TYW1: variants seen among roughly 807,000 people sequenced by gnomAD.
TYW1 encodes the protein tRNA-yW synthesizing protein 1 homolog, also known as S-adenosyl-L-methionine-dependent tRNA 4-demethylwyosine synthase TYW1.
A neutral mutation model predicts 96.2 loss-of-function variants in TYW1; 46 were observed. The ratio of observed to expected loss-of-function variants is 0.48; its 90% CI spans 0.38 to 0.61. The LOEUF is 0.61. Among genes scored for constraint, TYW1 ranks in the 20% least tolerant of loss-of-function variants. The probability of loss-of-function intolerance (pLI) is 0.00; values close to 1 mark genes in which losing one functional copy is unlikely to be tolerated. For synonymous variants in TYW1, 274 were observed against 323.0 expected (o/e 0.85, Z 1.63); for missense variants, 684 against 909.6 (o/e 0.75, Z 3.19).
intron 6 of TYW1, 60 bp from the exon 7 acceptor site, chr7:67,024,840 G>T: frequency 6.3e-7 from 1 of 1,599,134 alleles, no homozygotes; most frequent in South Asian, 1.1e-5. Context: ...GGGAGGGAGG[G>T]TAAGAGAGCT....
At chr7:67,046,410 A>G (rs1162474974) in intron 7 of TYW1, among the ~76,000 whole-genome samples, 2 of 152,090 alleles carry the variant, frequency 1.3e-5, no homozygotes, top group Non-Finnish European at 1.5e-5. Context: ...CTAGTTTACT[A>G]CACATAATTG....
intron 7 of TYW1, 116 bp downstream of exon 7, chr7:67,025,138 C>G: frequency 6.7e-7 from 1 of 1,494,210 alleles, no homozygotes; most frequent in Non-Finnish European, 9.0e-7. Context: ...TCTCTAGCTT[C>G]TGTCTTGAGA....
intron 15 of TYW1, among the ~76,000 whole-genome samples, chr7:67,207,397 T>C (rs1800840460): frequency 6.6e-6 from 1 of 152,202 alleles, no homozygotes. Context: ...TTCACTCCAT[T>C]TATTCAGTAA....
chr7:67,191,568 G>C lies in TYW1; in HGVS notation c.1810-3602G>C, dbSNP rs865978583. 5.6e-5 allele frequency among the ~76,000 whole-genome samples: 8 copies of C among 143,398 alleles called. 1 individual carries two copies. The highest frequency in any genetic ancestry group is 2.2e-4 in the African/African-American group (8 of 36,746). 94.1% of individuals were successfully genotyped at this position (143,398 alleles called of 152,430 possible). The stretch of plus-strand genomic sequence containing the variant: ...GAGTTGGGGGTGAGGGTGAGGGTGA[G>C]AGTGGGTGAGAAGGTGGCAGACAGC... On this transcript the variant is annotated intron_variant, in intron 14 of 15. Transcript: ENST00000359626.
intron 13 of TYW1, among the ~76,000 whole-genome samples, chr7:67,151,996 G>A (rs1435806172): frequency 6.6e-6 from 1 of 152,042 alleles, no homozygotes; most frequent in Non-Finnish European, 1.5e-5. Context: ...AATTTTAGTA[G>A]AGATGAGGTC....
At chr7:67,064,424 A>C (rs1450042028) in intron 9 of TYW1, among the ~76,000 whole-genome samples, 1 of 152,216 alleles carries the variant, frequency 6.6e-6, no homozygotes, top group Non-Finnish European at 1.5e-5. Context: ...TTTTACAAAA[A>C]TGCAAAAGCT....
chr7:67,047,639 G>A (rs1276695633), intron 7 of TYW1, among the ~76,000 whole-genome samples: 3 of 136,762 alleles, frequency 2.2e-5, no homozygotes, highest in African/African-American at 5.0e-5. Flanking sequence ...GACTTAATGC[G>A]ACTTTTTTTT....
chr7:67,028,877 A>G (rs929803635), intron 7 of TYW1, among the ~76,000 whole-genome samples: 10 of 152,230 alleles, frequency 6.6e-5, no homozygotes, highest in African/African-American at 2.2e-4. Context: ...ATACTGGTTG[A>G]AAAAAGCATG....
intron 13 of TYW1, among the ~76,000 whole-genome samples, chr7:67,173,530 A>C (rs186099711): frequency 6.6e-6 from 1 of 152,208 alleles, no homozygotes; most frequent in South Asian, 2.1e-4. Context: ...TCTGGTTGTT[A>C]AGATTGATTA....
intron 13 of TYW1, among the ~76,000 whole-genome samples, chr7:67,155,704 G>A (rs1181706693): frequency 4.6e-5 from 7 of 152,226 alleles, no homozygotes; most frequent in Non-Finnish European, 5.9e-5. Context: ...GATTATAGGC[G>A]TGAGCCACTG....
chr7:67,016,882 C>T (rs1471131196), intron 5 of TYW1, among the ~76,000 whole-genome samples: 1 of 152,068 alleles, frequency 6.6e-6, no homozygotes, highest in Non-Finnish European at 1.5e-5. Context: ...ACCCCGGTCT[C>T]CCAAGGTGCT....
chr7:67,071,293 A>G (rs1796020933), intron 10 of TYW1, among the ~76,000 whole-genome samples: 1 of 150,284 alleles, frequency 6.7e-6, no homozygotes, highest in Non-Finnish European at 1.5e-5. Context: ...TCTTTGTTTT[A>G]TATTATCTCT....
chr7:67,213,156 G>C, intron 15 of TYW1, among the ~76,000 whole-genome samples: 1 of 146,784 alleles, frequency 6.8e-6, no homozygotes, highest in Non-Finnish European at 1.5e-5. Flanking sequence ...ACAGGTATGA[G>C]CCACCACGCC....
intron 6 of TYW1, among the ~76,000 whole-genome samples, chr7:67,022,249 A>G (rs993993152): frequency 3.5e-4 from 54 of 152,326 alleles, no homozygotes; most frequent in African/African-American, 1.3e-3. Flanking sequence ...TTTTGGAAGC[A>G]TAGCCATGTT....
intron 15 of TYW1, 60 bp from the exon 16 acceptor site, chr7:67,238,248 T>C: frequency 6.4e-7 from 1 of 1,572,046 alleles, no homozygotes; most frequent in Non-Finnish European, 8.6e-7. Flanking sequence ...TTTAAAAACA[T>C]TCATTTTTTT....
chr7:67,125,670 A>G (rs1226665522), intron 13 of TYW1, among the ~76,000 whole-genome samples: 1 of 152,138 alleles, frequency 6.6e-6, no homozygotes, highest in Non-Finnish European at 1.5e-5. Context: ...CCACCATTAC[A>G]GTGTCATATG....
At chr7:67,010,884 G>A (rs1164509251) in intron 4 of TYW1, among the ~76,000 whole-genome samples, 6 of 152,018 alleles carry the variant, frequency 3.9e-5, no homozygotes, top group Admixed American at 2.0e-4. Context: ...AGCCCTCCCC[G>A]CTATTTTGAA....
intron 13 of TYW1, among the ~76,000 whole-genome samples, chr7:67,161,875 A>G (rs771163318): frequency 1.1e-4 from 16 of 152,174 alleles, no homozygotes; most frequent in Non-Finnish European, 2.2e-4. Flanking sequence ...CTTGTCACTA[A>G]TAAGCTTTCC....
chr7:67,164,236 ATATATT>A (rs1367086229), intron 13 of TYW1, among the ~76,000 whole-genome samples: 4 of 152,078 alleles, frequency 2.6e-5, no homozygotes, highest in Non-Finnish European at 5.9e-5. Context: ...TTTGGTGTAG[ATATATT>A]TATATTGTTA....
Sources: allele counts gnomAD v4.1 joint callset (sites outside exome capture counted in the v4.1 genomes callset), GRCh38; gene constraint gnomAD v4.1.1; transcripts MANE v1.5; gene names NCBI Gene and HGNC (gene_info 2026-07-23, HGNC 2026-07-21).